PPP2R2B: variants seen among roughly 807,000 people sequenced by gnomAD.
The protein encoded by PPP2R2B is protein phosphatase 2 regulatory subunit Bbeta, also known as serine/threonine-protein phosphatase 2A 55 kDa regulatory subunit B beta isoform.
A neutral mutation model predicts 46.0 loss-of-function variants in PPP2R2B; 5 were observed. That is an observed-to-expected ratio of 0.11 (90% CI 0.06 to 0.23). The LOEUF (loss-of-function observed/expected upper bound fraction) is 0.23. Ranked by LOEUF, PPP2R2B falls within the 10% of genes least tolerant of loss-of-function variation. The pLI, the probability that PPP2R2B is intolerant of heterozygous loss-of-function variation, is 1.00. For missense variants in PPP2R2B, 367 were observed against 575.0 expected (o/e 0.64, Z 3.70); for synonymous variants, 215 against 206.7 (o/e 1.04, Z -0.34).
chr5:147,004,581 C>T (rs771629161), intron 1 of PPP2R2B, among the ~76,000 whole-genome samples: 14 of 152,186 alleles, frequency 9.2e-5, no homozygotes, highest in Non-Finnish European at 1.8e-4. Context: ...TTTTCACATG[C>T]CTTTCTTGTT....
chr5:146,762,678 T>C (rs1053902203), intron 2 of PPP2R2B, among the ~76,000 whole-genome samples: 3 of 152,130 alleles, frequency 2.0e-5, no homozygotes, highest in East Asian at 1.9e-4. Flanking sequence ...TGCTTAACAG[T>C]TGTGACTTGA....
chr5:146,812,343 TAAG>T (rs1222679738), intron 2 of PPP2R2B, among the ~76,000 whole-genome samples: 5 of 149,580 alleles, frequency 3.3e-5, no homozygotes, highest in African/African-American at 1.2e-4. Flanking sequence ...CTAGTAGATC[TAAG>T]GAGGCTTCGT....
At chr5:146,838,046 G>C (rs1339040033) in intron 2 of PPP2R2B, among the ~76,000 whole-genome samples, 2 of 152,112 alleles carry the variant, frequency 1.3e-5, no homozygotes, top group Admixed American at 6.5e-5. Context: ...CTAACAGTGA[G>C]CCCCCTATGC....
intron 1 of PPP2R2B, among the ~76,000 whole-genome samples, chr5:146,900,002 A>G (rs1309542237): frequency 6.6e-6 from 1 of 152,216 alleles, no homozygotes; most frequent in Non-Finnish European, 1.5e-5. Flanking sequence ...TCCCTAAAAA[A>G]CAATGAAATG....
At chr5:146,622,590 C>T (rs907660960) in intron 7 of PPP2R2B, among the ~76,000 whole-genome samples, 2 of 152,186 alleles carry the variant, frequency 1.3e-5, no homozygotes, top group Non-Finnish European at 2.9e-5. Flanking sequence ...TGAAAGCCAC[C>T]TAGTGGCTGG....
chr5:146,814,692 G>C (rs1047344409), intron 2 of PPP2R2B, among the ~76,000 whole-genome samples: 1 of 152,198 alleles, frequency 6.6e-6, no homozygotes, highest in African/African-American at 2.4e-5. Context: ...TACAACTTTA[G>C]TAAACACATT....
chr5:146,923,060 A>C (rs933996847), intron 1 of PPP2R2B, among the ~76,000 whole-genome samples: 1 of 152,216 alleles, frequency 6.6e-6, no homozygotes, highest in Non-Finnish European at 1.5e-5. Context: ...TGAGCCATGT[A>C]ATCAAGCCTT....
rs757926785 is a variant in PPP2R2B at position 146,650,548 on chromosome 5, A to G, written c.624T>C (p.Phe208=). The change falls in exon 6 of 10, where the codon TTT becomes TTC. Residue 208 remains phenylalanine (F), a splice_region_variant and synonymous_variant. Coordinates refer to ENST00000394411, the MANE Select transcript of PPP2R2B (RefSeq NM_181675.4). ...LWNFEITNQS[F]NIVDIKPANM... is the part of the protein sequence containing the mutation. Reference sequence around the variant, plus strand: ...TTCTTGATCACAAAGAAAGGATACTAAAACTTTGATTGGTTATTTCAAAGT... The same window carrying G: ...TTCTTGATCACAAAGAAAGGATACTGAAACTTTGATTGGTTATTTCAAAGT... The G allele has an allele frequency of 6.2e-7, 1 of 1,612,664 alleles. No individual in the cohort carries two copies. The highest frequency in any genetic ancestry group is 8.5e-7 in the Non-Finnish European group (1 of 1,179,198).
intron 3 of PPP2R2B, 125 bp downstream of exon 3, chr5:146,700,920 T>C: frequency 1.2e-6 from 1 of 828,630 alleles, no homozygotes; most frequent in Non-Finnish European, 2.0e-6. Flanking sequence ...TAATGACTTT[T>C]TTGGCAGTTT....
chr5:146,827,986 C>T (rs1309277738), intron 2 of PPP2R2B, among the ~76,000 whole-genome samples: 1 of 149,972 alleles, frequency 6.7e-6, no homozygotes, highest in South Asian at 2.2e-4. Flanking sequence ...TGGGAGTCTC[C>T]ATGGCCTAGT....
At chr5:146,672,291 C>G (rs1777422425) in intron 5 of PPP2R2B, among the ~76,000 whole-genome samples, 1 of 152,150 alleles carries the variant, frequency 6.6e-6, no homozygotes, top group Admixed American at 6.5e-5. Flanking sequence ...AAGGATCAAA[C>G]CACACAATTG....
intron 5 of PPP2R2B, among the ~76,000 whole-genome samples, chr5:146,682,939 A>G (rs1422789187): frequency 1.3e-5 from 2 of 152,218 alleles, no homozygotes; most frequent in Non-Finnish European, 2.9e-5. Context: ...GGAAAAAGGA[A>G]GGGATTTTAA....
At chr5:146,816,224 C>T (rs907610004) in intron 2 of PPP2R2B, among the ~76,000 whole-genome samples, 2 of 151,896 alleles carry the variant, frequency 1.3e-5, no homozygotes, top group Admixed American at 6.6e-5. Context: ...GGCAACAAAG[C>T]GAGACTCCAT....
At chr5:146,708,395 ATGTGTGTGTG>A (rs1561848485) in intron 2 of PPP2R2B, among the ~76,000 whole-genome samples, 3 of 128,196 alleles carry the variant, frequency 2.3e-5, no homozygotes, top group African/African-American at 9.2e-5. Context: ...ATATCTATGT[ATGTGTGTGTG>A]TATGTGTGTG....
chr5:146,725,810 A>G (rs1751828889), intron 2 of PPP2R2B, among the ~76,000 whole-genome samples: 1 of 152,170 alleles, frequency 6.6e-6, no homozygotes, highest in Non-Finnish European at 1.5e-5. Flanking sequence ...TGTACTTACT[A>G]TCCACTATGT....
chr5:146,818,665 A>G (rs1054908956), intron 2 of PPP2R2B, among the ~76,000 whole-genome samples: 3 of 152,122 alleles, frequency 2.0e-5, no homozygotes, highest in Admixed American at 2.0e-4. Flanking sequence ...CATTTTTTCT[A>G]CTTTACAGAT....
intron 2 of PPP2R2B, among the ~76,000 whole-genome samples, chr5:146,848,341 A>C (rs146212194): frequency 8.5e-4 from 130 of 152,238 alleles, no homozygotes; most frequent in African/African-American, 3.1e-3. Context: ...TAGTTCATTC[A>C]GATTTGCTTA....
chr5:147,032,606 T>C (rs571839057), intron 1 of PPP2R2B, among the ~76,000 whole-genome samples: 1 of 152,190 alleles, frequency 6.6e-6, no homozygotes, highest in Non-Finnish European at 1.5e-5. Flanking sequence ...AAAACACAGA[T>C]GTTTGGTGTT....
intron 1 of PPP2R2B, among the ~76,000 whole-genome samples, chr5:146,964,939 C>T (rs1752337741): frequency 6.6e-6 from 1 of 152,138 alleles, no homozygotes; most frequent in South Asian, 2.1e-4. Flanking sequence ...CTCTGGGGCT[C>T]AGTTTTCCCA....
Sources: allele counts gnomAD v4.1 joint callset (sites outside exome capture counted in the v4.1 genomes callset), GRCh38; gene constraint gnomAD v4.1.1; transcripts MANE v1.5; gene names NCBI Gene and HGNC (gene_info 2026-07-23, HGNC 2026-07-21).